Variants in POLR3A observed in about 807,000 individuals in gnomAD.
The protein encoded by POLR3A is DNA-directed RNA polymerase III subunit RPC1.
POLR3A carries 112 observed loss-of-function variants against 152.8 expected under a neutral mutation model. That is an observed-to-expected ratio of 0.73 (90% CI 0.63 to 0.86). The LOEUF (loss-of-function observed/expected upper bound fraction) is 0.86. Ranked by LOEUF, POLR3A falls within the 40% of genes least tolerant of loss-of-function variation. The probability of loss-of-function intolerance (pLI) is 0.00; values close to 1 mark genes in which losing one functional copy is unlikely to be tolerated. For synonymous variants in POLR3A, 615 were observed against 652.1 expected (o/e 0.94, Z 0.87); for missense variants, 1,385 against 1,743.1 (o/e 0.79, Z 3.66).
intron 17 of POLR3A, among the ~76,000 whole-genome samples, chr10:78,001,565 A>G (rs1357295573): frequency 2.0e-5 from 3 of 152,210 alleles, no homozygotes; most frequent in Non-Finnish European, 4.4e-5. Flanking sequence ...TTTAAAAAAA[A>G]AGTGTACAGA....
At chr10:78,028,381 T>C (rs1847657750) in intron 1 of POLR3A, among the ~76,000 whole-genome samples, 3 of 152,216 alleles carry the variant, frequency 2.0e-5, no homozygotes, top group African/African-American at 7.2e-5. Flanking sequence ...GCACTTGTCG[T>C]ACCCAGTGTT....
chr10:77,979,083 G>A (rs1847116026), intron 30 of POLR3A, among the ~76,000 whole-genome samples: 1 of 152,158 alleles, frequency 6.6e-6, no homozygotes. Flanking sequence ...GAGTAGCTGG[G>A]ACAATAGCAA....
At position 78,002,240 on chromosome 10, in the gene POLR3A, G is replaced by T. The variant is rs766498098; in HGVS notation, c.2316C>A (p.Asp772Glu). The T allele has an allele frequency of 6.2e-7, 1 of 1,602,916 alleles. No homozygotes were observed. The highest frequency in any genetic ancestry group is 2.2e-5 in the East Asian group (1 of 44,598). ...CCATGGTGAGGGGGCTGTTGCTCTT[G>T]TCCAGCTCCCGGAGGCAGGCACTGC... ...HAGSACLREL[D>E]KSNSPLTMAL... Residue 772 changes from aspartate (D) to glutamate (E), a missense_variant, in exon 17 of 31, where the codon GAC becomes GAA. Transcript: ENST00000372371.
At chr10:78,013,591 T>C in intron 11 of POLR3A, 59 bp downstream of exon 11, 1 of 1,583,628 alleles carries the variant, frequency 6.3e-7, no homozygotes, top group South Asian at 1.1e-5. Flanking sequence ...CATGTAAGTT[T>C]CCTTTGCCTC....
At chr10:77,997,918 A>T (rs1274563405) in intron 19 of POLR3A, among the ~76,000 whole-genome samples, 1 of 152,182 alleles carries the variant, frequency 6.6e-6, no homozygotes, top group Non-Finnish European at 1.5e-5. Context: ...AGGCTACAGT[A>T]ACCAAAACAG....
At chr10:78,028,535 C>T (rs1408458175) in intron 1 of POLR3A, among the ~76,000 whole-genome samples, 7 of 151,412 alleles carry the variant, frequency 4.6e-5, no homozygotes, top group African/African-American at 1.7e-4. Context: ...TTTTGAGACA[C>T]CGTCTCACTC....
In POLR3A at chr10:78,009,861, C is replaced by A. The variant is rs368534688; in HGVS notation, c.1770+3G>T. ...TGCACCAACACACAACTCCCACACA[C>A]ACCTTTAGGATTGTAGGCGGTGGGA... On this transcript the variant is annotated splice_donor_region_variant and intron_variant, in intron 13 of 30. Coordinates refer to ENST00000372371, the MANE Select transcript of POLR3A (RefSeq NM_007055.4). 1 of 1,614,016 alleles carries A rather than the reference C, an allele frequency of 6.2e-7. No individual in the cohort carries two copies. Among genetic ancestry groups the A allele is most frequent in the African/African-American group, 1.3e-5 (1 of 74,910 alleles).
At chr10:77,986,558 G>T (rs1383191128) in intron 21 of POLR3A, among the ~76,000 whole-genome samples, 2 of 152,184 alleles carry the variant, frequency 1.3e-5, no homozygotes, top group Non-Finnish European at 2.9e-5. Context: ...ATTTTTGAGG[G>T]TTTCTTCTGA....
In POLR3A at chr10:78,001,055, C is replaced by T; in HGVS notation, c.2399G>A (p.Gly800Glu). The change falls in exon 18 of 31, where the codon GGA (glycine) becomes GAA (glutamate). Residue 800 changes from glycine to glutamate, a missense_variant. By Grantham distance (98) the Gly-to-Glu change is moderately conservative. This residue lies in a region of POLR3A where 170 missense variants were observed against 231.2 expected (regional missense o/e 0.74). Transcript: ENST00000372371. ...INISQMIACV[G>E]QQAISGSRVP... ...TCGAGAGCCACTGATGGCCTGCTGT[C>T]CCACACAGGCAATCATCTGTGATAT... The T allele has an allele frequency of 2.5e-6, 4 of 1,609,272 alleles. No homozygotes were observed. Among genetic ancestry groups the T allele is most frequent in the Non-Finnish European group, 3.4e-6 (4 of 1,175,790 alleles).
At chr10:77,978,971 T>G (rs1847115072) in intron 30 of POLR3A, among the ~76,000 whole-genome samples, 1 of 151,826 alleles carries the variant, frequency 6.6e-6, no homozygotes, top group Non-Finnish European at 1.5e-5. Context: ...CCACGCTTGT[T>G]TTTTGATTTT....
intron 11 of POLR3A, 53 bp from the exon 12 acceptor site, chr10:78,010,593 C>T: frequency 2.4e-6 from 3 of 1,257,386 alleles, no homozygotes; most frequent in Non-Finnish European, 3.5e-6. Context: ...CATGATGCAG[C>T]CCAAAGCCTG....
At chr10:77,988,692 G>A (rs1238690393) in intron 21 of POLR3A, among the ~76,000 whole-genome samples, 1 of 152,130 alleles carries the variant, frequency 6.6e-6, no homozygotes, top group Non-Finnish European at 1.5e-5. Flanking sequence ...TTCTGGCATG[G>A]CTCTAACAGA....
In POLR3A at chr10:77,977,445, T is replaced by G; in HGVS notation, c.*33A>C. The G allele has an allele frequency of 1.4e-5, 23 of 1,610,912 alleles. No homozygotes were observed. Among genetic ancestry groups the G allele is most frequent in the Non-Finnish European group, 1.9e-5 (22 of 1,177,678 alleles). ...CATCAGCTGGAGACAGGACAAGGAG[T>G]CAAGGTCAGGCATGGTCCCCTCTTT... On this transcript the variant is annotated 3_prime_UTR_variant, in exon 31 of 31. Coordinates refer to ENST00000372371, the MANE Select transcript of POLR3A (RefSeq NM_007055.4).
rs143461869 is a variant in POLR3A at position 77,986,085 on chromosome 10, G to A, written c.2976C>T (p.Asn992=). ...GGAGGGATATTACCTCTGTTGTGCC[G>A]TTATCATTGATGCCATATTTATCTC... ...KTRDKYGIND[N]GTTEPRVLYQ... The change falls in exon 22 of 31, where the codon AAC becomes AAT. Residue 992 remains asparagine, a synonymous_variant. Coordinates refer to ENST00000372371, the MANE Select transcript of POLR3A (RefSeq NM_007055.4). 2.0e-4 allele frequency: 317 copies of A among 1,596,168 alleles called. No homozygotes were observed. Among genetic ancestry groups the A allele is most frequent in the Non-Finnish European group, 2.4e-4 (276 of 1,163,796 alleles).
intron 4 of POLR3A, 88 bp from the exon 5 acceptor site, chr10:78,024,791 A>C: frequency 7.3e-7 from 1 of 1,369,952 alleles, no homozygotes; most frequent in Non-Finnish European, 1.0e-6. Flanking sequence ...AAATTACTGA[A>C]ACTACTATAG....
chr10:77,987,193 T>C (rs546095300), intron 21 of POLR3A, among the ~76,000 whole-genome samples: 6 of 152,196 alleles, frequency 3.9e-5, no homozygotes, highest in Admixed American at 2.0e-4. Flanking sequence ...GCACCTGCCA[T>C]GTAGTAGCAA....
chr10:77,981,623 C>T (rs1326764810), intron 28 of POLR3A, 64 bp from the exon 29 acceptor site: 2 of 1,570,782 alleles, frequency 1.3e-6, no homozygotes, highest in Non-Finnish European at 1.8e-6. Flanking sequence ...ATTCTCTCCA[C>T]TTTCTCCTCT....
rs576173425 is a variant in POLR3A at position 78,022,462 on chromosome 10, G to A, written c.646-78C>T. The A allele has an allele frequency of 4.8e-6, 7 of 1,454,756 alleles. No individual in the cohort carries two copies. In the Admixed American group the frequency reaches 5.0e-5, roughly 10 times the overall value. The allele number at this position is 1,454,756 out of a possible 1,614,324, so 90.1% of individuals were successfully genotyped here. A position where few individuals can be genotyped will look rare whatever the true frequency, so the allele number is the denominator to read the frequency against. On this transcript the variant is annotated intron_variant, in intron 5 of 30. Transcript: ENST00000372371. Reference sequence around the variant, plus strand: ...CTTGGGCAAGGTTTTCCTTCACTATGTTTTCTAACCTATCTGTCACTAAGG... The same window carrying A: ...CTTGGGCAAGGTTTTCCTTCACTATATTTTCTAACCTATCTGTCACTAAGG...
At chr10:78,005,238 T>C (rs1589311703) in intron 15 of POLR3A, among the ~76,000 whole-genome samples, 1 of 152,236 alleles carries the variant, frequency 6.6e-6, no homozygotes, top group East Asian at 1.9e-4. Flanking sequence ...GGCTCACGCC[T>C]ATAATCCCAG....
Sources: gnomAD v4.1 joint callset for allele counts (sites outside exome capture counted in the v4.1 genomes callset) on GRCh38, gnomAD v4.1.1 for gene constraint, gnomAD v4.1.1 regional missense constraint, MANE v1.5 for transcripts, NCBI Gene and HGNC (gene_info 2026-07-23, HGNC 2026-07-21) for gene names.